Variants in PEBP4 observed in about 807,000 individuals in gnomAD.
The protein encoded by PEBP4 is phosphatidylethanolamine binding protein 4.
Under a neutral mutation model 23.9 loss-of-function variants are expected in PEBP4, and 22 were observed. The observed-to-expected ratio is 0.92, with a 90% CI of 0.66 to 1.31. The LOEUF (loss-of-function observed/expected upper bound fraction) is 1.31, where lower values mean the gene tolerates loss of function less well. Among genes scored for constraint, PEBP4 ranks in the 40% most tolerant of loss-of-function variants. PEBP4 has a pLI of 0.00. For missense variants in PEBP4, 324 were observed against 281.7 expected (o/e 1.15, Z -1.07); for synonymous variants, 112 against 99.3 (o/e 1.13, Z -0.76).
chr8:22,860,482 C>T (rs1297125708), intron 3 of PEBP4, among the ~76,000 whole-genome samples: 3 of 152,018 alleles, frequency 2.0e-5, no homozygotes, highest in African/African-American at 7.3e-5. Context: ...TGGTACAGTA[C>T]CTGTCTTTTT....
At position 22,783,965 on chromosome 8, in the gene PEBP4, G is replaced by A. The variant is rs116280541; in HGVS notation, c.357+33672C>T. ...GTTTTCAAGCACTTCCTGCCCACCA[G>A]GAGGGGAAGAGATCACTGGCTTTGG... On this transcript the variant is annotated intron_variant, in intron 4 of 6. Coordinates refer to ENST00000256404, the MANE Select transcript of PEBP4 (RefSeq NM_144962.3). Among the ~76,000 whole-genome samples the A allele has an allele frequency of 7.2e-3, 1,084 of 150,654 alleles. 22 individuals are homozygous for A. Among genetic ancestry groups the A allele is most frequent in the African/African-American group, 0.025 (1,032 of 40,824 alleles).
rs1047398 is a variant in PEBP4 at position 22,713,505 on chromosome 8, A to G, written c.549T>C (p.Arg183=). The G allele has an allele frequency of 0.31, 503,932 of 1,613,658 alleles. 80,188 individuals carry two copies. The highest frequency in any genetic ancestry group is 0.44 in the Admixed American group (26,367 of 59,986). ...GSWKMDRFLN[R]FHLGEPEAST... ...TTGCTTCAGGTTCGCCCAGGTGGAA[A>G]CGGTTCAGAAATCTGTCCATTTTCC... The change falls in exon 7 of 7, where the codon CGT becomes CGC. Residue 183 remains arginine, a synonymous_variant. Coordinates refer to ENST00000256404, the MANE Select transcript of PEBP4 (RefSeq NM_144962.3).
intron 4 of PEBP4, chr8:22,754,717 C>T (rs1805340341): frequency 1.3e-5 from 2 of 152,262 alleles, no homozygotes; most frequent in Non-Finnish European, 2.9e-5. Flanking sequence ...GCCAGCTAGG[C>T]AGGGAGTATG....
chr8:22,807,897 A>AT (rs200836080), intron 4 of PEBP4, among the ~76,000 whole-genome samples: 8 of 146,474 alleles, frequency 5.5e-5, no homozygotes, highest in Non-Finnish European at 9.1e-5. Flanking sequence ...CCATCCATCC[A>AT]CCCACCCAAC....
chr8:22,845,789 A>G (rs921687370), intron 3 of PEBP4, among the ~76,000 whole-genome samples: 2 of 152,180 alleles, frequency 1.3e-5, no homozygotes, highest in African/African-American at 2.4e-5. Flanking sequence ...ATCAGGCATT[A>G]TTGGTTTAGA....
rs1015908193 is a variant in PEBP4 at position 22,925,317 on chromosome 8, G to A, written c.131+2267C>T. ...TCCTGAGAATGGGCCCCCTTGACTC[G>A]AGTCTGGGAGCCCTGAACCTGGGGT... On this transcript the variant is annotated intron_variant, in intron 2 of 6. Transcript: ENST00000256404. The A allele has an allele frequency of 5.3e-5, 52 of 985,376 alleles. No individual in the cohort carries two copies. In the Admixed American group the frequency reaches 6.8e-4, roughly 13 times the overall value. The allele number at this position is 985,376 out of a possible 1,614,324, so 61.0% of individuals were successfully genotyped here.
chr8:22,924,625 G>A, intron 2 of PEBP4: 2 of 977,554 alleles, frequency 2.0e-6, no homozygotes, highest in Non-Finnish European at 2.4e-6. Flanking sequence ...CTGAAGAACG[G>A]AGCTTTTCAA....
At chr8:22,870,154 G>T (rs955532421) in intron 3 of PEBP4, among the ~76,000 whole-genome samples, 6 of 152,208 alleles carry the variant, frequency 3.9e-5, no homozygotes, top group African/African-American at 1.4e-4. Flanking sequence ...CCTGCACACA[G>T]ATGTTTATTC....
intron 3 of PEBP4, among the ~76,000 whole-genome samples, chr8:22,882,615 T>C (rs1335933653): frequency 1.3e-5 from 2 of 152,182 alleles, no homozygotes; most frequent in Admixed American, 6.5e-5. Context: ...GTATTAATCG[T>C]GTCTTTTTAT....
chr8:22,798,642 G>GT (rs1438089642), intron 4 of PEBP4: 6 of 152,108 alleles, frequency 3.9e-5, no homozygotes, highest in Non-Finnish European at 8.8e-5. Context: ...CTCGGGAACC[G>GT]TGAGTAATAA....
chr8:22,847,128 T>C (rs1807454538), intron 3 of PEBP4, among the ~76,000 whole-genome samples: 1 of 152,200 alleles, frequency 6.6e-6, no homozygotes, highest in African/African-American at 2.4e-5. Context: ...TTCTTTACGT[T>C]ATTCCTTGAC....
At position 22,761,020 on chromosome 8, in the gene PEBP4, C is replaced by T. The variant is rs554542442; in HGVS notation, c.358-33800G>A. Among the ~76,000 whole-genome samples, 15 of 152,318 alleles carry T rather than the reference C, an allele frequency of 9.8e-5. No homozygotes were observed. In the East Asian group the frequency reaches 1.9e-3, roughly 20 times the overall value. On this transcript the variant is annotated intron_variant, in intron 4 of 6. Coordinates refer to ENST00000256404, the MANE Select transcript of PEBP4 (RefSeq NM_144962.3). The stretch of plus-strand genomic sequence containing the variant: ...TAGTAGCCTGACTTCCCAGAGGAAG[C>T]GAGCTCTAGGGCCAGCGGGGAGGCG...
At chr8:22,830,113 TTGTGTGTGTGTG>T (rs3060706) in intron 3 of PEBP4, among the ~76,000 whole-genome samples, 1 of 144,158 alleles carries the variant, frequency 6.9e-6, no homozygotes, top group African/African-American at 2.6e-5. Context: ...GGCTGTGGTT[TTGTGTGTGTGTG>T]TGTGTGTGTG....
At chr8:22,899,454 G>A (rs2128776467) in intron 3 of PEBP4, among the ~76,000 whole-genome samples, 1 of 152,350 alleles carries the variant, frequency 6.6e-6, no homozygotes, top group South Asian at 2.1e-4. Context: ...AGCCACACAT[G>A]AAAAGGAACC....
At chr8:22,800,279 A>T (rs1362207018) in intron 4 of PEBP4, among the ~76,000 whole-genome samples, 1 of 152,134 alleles carries the variant, frequency 6.6e-6, no homozygotes, top group Non-Finnish European at 1.5e-5. Flanking sequence ...TGGATGGGGC[A>T]GGAGACAGAA....
chr8:22,829,833 C>T (rs1041553011), intron 3 of PEBP4, among the ~76,000 whole-genome samples: 1 of 152,320 alleles, frequency 6.6e-6, no homozygotes, highest in African/African-American at 2.4e-5. Flanking sequence ...CACGAAATAA[C>T]TGTCAACACC....
At chr8:22,817,510 A>C (rs899182332) in intron 4 of PEBP4, 127 bp downstream of exon 4, 2 of 837,636 alleles carry the variant, frequency 2.4e-6, no homozygotes, top group Non-Finnish European at 2.0e-6. Context: ...ATAGCTGAGC[A>C]CTGGGGGAGA....
chr8:22,731,385 G>A (rs36123552), intron 4 of PEBP4, among the ~76,000 whole-genome samples: 21,486 of 152,114 alleles, frequency 0.14, 1,910 homozygotes, highest in Middle Eastern at 0.21. Flanking sequence ...CAAATAGGAA[G>A]TATATTTCCT....
chr8:22,827,778 A>C (rs900000589), intron 3 of PEBP4, among the ~76,000 whole-genome samples: 1 of 152,188 alleles, frequency 6.6e-6, no homozygotes, highest in Non-Finnish European at 1.5e-5. Flanking sequence ...CATATTGTAA[A>C]TTTATGTTTA....
Sources: gnomAD v4.1 joint callset for allele counts (sites outside exome capture counted in the v4.1 genomes callset) on GRCh38, gnomAD v4.1.1 for gene constraint, MANE v1.5 for transcripts, NCBI Gene and HGNC (gene_info 2026-07-23, HGNC 2026-07-21) for gene names.